The following EIF4G3 variants were observed in gnomAD, a reference collection of about 807,000 sequenced individuals.
EIF4G3 encodes the protein eukaryotic translation initiation factor 4 gamma 3.
EIF4G3 carries 34 observed loss-of-function variants against 186.4 expected under a neutral mutation model. The observed-to-expected ratio is 0.18, with a 90% CI of 0.14 to 0.24. EIF4G3 has a LOEUF of 0.24. EIF4G3 is among the 10% of genes least tolerant of loss of function. The pLI is 1.00. For synonymous variants in EIF4G3, 673 were observed against 679.5 expected, an observed-to-expected ratio of 0.99 and a Z score of 0.15; for missense variants, 1,536 against 1,948.5, an observed-to-expected ratio of 0.79 and a Z score of 3.99.
chr1:20,814,448 G>T (rs1355276397), intron 34 of EIF4G3, among the ~76,000 whole-genome samples: 12 of 151,952 alleles, frequency 7.9e-5, no homozygotes. Flanking sequence ...TGTACATTTG[G>T]AAGTATAACC....
chr1:21,119,844 T>C (rs972190296), intron 2 of EIF4G3, among the ~76,000 whole-genome samples: 3 of 152,168 alleles, frequency 2.0e-5, no homozygotes, highest in African/African-American at 7.2e-5. Context: ...TCAAGTTTCT[T>C]AAGCATCTTT....
At chr1:21,098,432 G>C (rs541380697) in intron 2 of EIF4G3, among the ~76,000 whole-genome samples, 1 of 150,786 alleles carries the variant, frequency 6.6e-6, no homozygotes, top group Non-Finnish European at 1.5e-5. Flanking sequence ...CCAACAACTT[G>C]GGAGGTTGAG....
In EIF4G3 at chr1:21,010,244, G is replaced by C. The variant is rs530276428; in HGVS notation, c.-66-7436C>G. 5.1e-4 allele frequency among the ~76,000 whole-genome samples: 78 copies of C among 151,796 alleles called. 1 individual carries two copies. The highest frequency in any genetic ancestry group is 7.8e-4 in the Non-Finnish European group (53 of 67,904). Reference sequence around the variant, plus strand: ...GGCGGATCACGAGGTCTAGGAGTTCGAGACCAGCCTGGCCAATATACAAAA... The same window carrying C: ...GGCGGATCACGAGGTCTAGGAGTTCCAGACCAGCCTGGCCAATATACAAAA... On this transcript the variant is annotated intron_variant, in intron 4 of 36. Transcript: ENST00000602326.
At chr1:21,159,727 G>A (rs939432495) in intron 2 of EIF4G3, among the ~76,000 whole-genome samples, 5 of 152,194 alleles carry the variant, frequency 3.3e-5, no homozygotes, top group African/African-American at 1.2e-4. Flanking sequence ...AGCACTCTGG[G>A]AGGCCAAGGC....
intron 2 of EIF4G3, among the ~76,000 whole-genome samples, chr1:21,166,252 T>A: frequency 8.4e-6 from 1 of 119,184 alleles, no homozygotes; most frequent in African/African-American, 3.2e-5. Flanking sequence ...CAAACTGAGA[T>A]CTCTAAAAAA....
intron 3 of EIF4G3, among the ~76,000 whole-genome samples, chr1:21,060,656 A>C (rs2094844272): frequency 1.3e-5 from 2 of 152,152 alleles, no homozygotes; most frequent in Admixed American, 6.6e-5. Context: ...TCACATCTGC[A>C]GTCCCAGCTA....
intron 4 of EIF4G3, among the ~76,000 whole-genome samples, chr1:21,015,788 A>C (rs1321766677): frequency 6.6e-6 from 1 of 151,718 alleles, no homozygotes; most frequent in Non-Finnish European, 1.5e-5. Flanking sequence ...TCACATGAGA[A>C]TTCTATATCC....
At chr1:20,991,596 T>A (rs2154567961) in intron 7 of EIF4G3, among the ~76,000 whole-genome samples, 1 of 151,986 alleles carries the variant, frequency 6.6e-6, no homozygotes, top group South Asian at 2.1e-4. Flanking sequence ...AAAATTCAGT[T>A]CTTTAGCTGC....
At chr1:20,975,698 G>T (rs572049770) in intron 10 of EIF4G3, among the ~76,000 whole-genome samples, 1 of 151,358 alleles carries the variant, frequency 6.6e-6, no homozygotes, top group Non-Finnish European at 1.5e-5. Context: ...CACTAGAAAT[G>T]AGTAATTTTT....
At chr1:20,817,946 T>G (rs2061470491) in intron 33 of EIF4G3, among the ~76,000 whole-genome samples, 1 of 152,108 alleles carries the variant, frequency 6.6e-6, no homozygotes, top group Admixed American at 6.6e-5. Flanking sequence ...AAAGACGGGA[T>G]TACAGGCATG....
At chr1:21,037,352 C>T (rs1039082239) in intron 4 of EIF4G3, among the ~76,000 whole-genome samples, 2 of 152,002 alleles carry the variant, frequency 1.3e-5, no homozygotes, top group African/African-American at 4.8e-5. Flanking sequence ...TATTTAGGGG[C>T]TTACTATGGA....
At chr1:20,936,959 C>T (rs954501122) in intron 14 of EIF4G3, among the ~76,000 whole-genome samples, 11 of 152,294 alleles carry the variant, frequency 7.2e-5, no homozygotes, top group African/African-American at 2.4e-4. Context: ...GCTGAGCTTA[C>T]GAGAATATAA....
chr1:21,148,045 T>C (rs1343531522), intron 2 of EIF4G3, among the ~76,000 whole-genome samples: 1 of 152,234 alleles, frequency 6.6e-6, no homozygotes, highest in Non-Finnish European at 1.5e-5. Context: ...AAAAGCATTA[T>C]GCACAAAGAT....
At chr1:21,069,056 C>T (rs1484569598) in intron 3 of EIF4G3, among the ~76,000 whole-genome samples, 2 of 152,168 alleles carry the variant, frequency 1.3e-5, no homozygotes, top group Non-Finnish European at 2.9e-5. Flanking sequence ...CCAGTTAACT[C>T]CTCTGCCTAG....
Position 20,853,682 on chromosome 1 carries a change from A to G in EIF4G3, c.3434-5T>C. Reference sequence around the variant, plus strand: ...AAGCACTTGACCGTAAGGCATCTACACATGTCGAGGATTTAGAAAAAAATA... The same window carrying G: ...AAGCACTTGACCGTAAGGCATCTACGCATGTCGAGGATTTAGAAAAAAATA... On this transcript the variant is annotated splice_region_variant and splice_polypyrimidine_tract_variant and intron_variant, in intron 26 of 36. Coordinates refer to ENST00000602326, the MANE Select transcript of EIF4G3 (RefSeq NM_001391906.1). 1 of 1,601,706 alleles carries G rather than the reference A, an allele frequency of 6.2e-7. No homozygotes were observed. The highest frequency in any genetic ancestry group is 8.6e-7 in the Non-Finnish European group (1 of 1,168,960).
At chr1:21,080,022 G>A (rs185107374) in intron 3 of EIF4G3, among the ~76,000 whole-genome samples, 163 of 151,274 alleles carry the variant, frequency 1.1e-3, no homozygotes, top group African/African-American at 3.9e-3. Flanking sequence ...GTGGTGGTGG[G>A]TGCCTGTAAT....
chr1:20,941,439 C>G, intron 14 of EIF4G3, 52 bp downstream of exon 14: 2 of 1,608,892 alleles, frequency 1.2e-6, no homozygotes, highest in Non-Finnish European at 1.7e-6. Flanking sequence ...AACTCAAACA[C>G]TGCCTCTTCT....
chr1:21,058,942 ATT>A (rs1361042496), intron 3 of EIF4G3, among the ~76,000 whole-genome samples: 1 of 137,026 alleles, frequency 7.3e-6, no homozygotes, highest in African/African-American at 2.6e-5. Context: ...GAATAGATAT[ATT>A]GTTAAATATA....
At chr1:21,147,472 C>G (rs967145461) in intron 2 of EIF4G3, among the ~76,000 whole-genome samples, 5 of 151,724 alleles carry the variant, frequency 3.3e-5, no homozygotes, top group Non-Finnish European at 5.9e-5. Flanking sequence ...TCCTAAGTAG[C>G]TGGGATTACA....
Sources: allele counts gnomAD v4.1 joint callset (sites outside exome capture counted in the v4.1 genomes callset), GRCh38; gene constraint gnomAD v4.1.1; transcripts MANE v1.5; gene names NCBI Gene and HGNC (gene_info 2026-07-23, HGNC 2026-07-21).